CARD10: variants seen among roughly 807,000 people sequenced by gnomAD.
CARD10 encodes caspase recruitment domain-containing protein 10.
In CARD10, 49 loss-of-function variants were observed where a neutral mutation model predicts 114.6. The ratio of observed to expected loss-of-function variants is 0.43; its 90% CI spans 0.34 to 0.54. The LOEUF (loss-of-function observed/expected upper bound fraction) is 0.54. Among genes scored for constraint, CARD10 ranks in the 20% least tolerant of loss-of-function variants. CARD10 has a pLI of 0.03. For synonymous variants in CARD10, 602 were observed against 593.2 expected (o/e 1.01, Z -0.21); for missense variants, 1,206 against 1,397.2 (o/e 0.86, Z 2.18).
At chr22:37,499,616 C>T (rs1451790061) in intron 11 of CARD10, among the ~76,000 whole-genome samples, 1 of 151,958 alleles carries the variant, frequency 6.6e-6, no homozygotes, top group Non-Finnish European at 1.5e-5. Flanking sequence ...CTTGACAACT[C>T]CTGCAGCTCC....
chr22:37,511,938 T>C (rs1195474086), intron 3 of CARD10: 1 of 152,242 alleles, frequency 6.6e-6, no homozygotes, highest in Non-Finnish European at 1.5e-5. Flanking sequence ...GGGCCTCAGT[T>C]TCCTCATCAG....
chr22:37,513,044 G>A (rs1013864461), intron 3 of CARD10, among the ~76,000 whole-genome samples: 1 of 152,166 alleles, frequency 6.6e-6, no homozygotes, highest in Non-Finnish European at 1.5e-5. Flanking sequence ...TTTTGGAGCA[G>A]AAAAGCTCCA....
Position 37,506,370 on chromosome 22 carries a change from C to G in CARD10, c.1205G>C (p.Arg402Pro). The part of the protein sequence containing the change: ...EKERDQAIQS[R>P]DRIQLQYSQS... ...TGAGTACTGCAACTGGATCCGGTCA[C>G]GGCTCTGGATGGCCTAGGGTTGGGG... The change falls in exon 7 of 20, where the codon CGT becomes CCT. Residue 402 changes from arginine (R) to proline (P), a missense_variant. By Grantham distance (103) the Arg-to-Pro change is moderately radical (BLOSUM62 -2). Around this residue, in one of 2 missense-constraint regions of CARD10, gnomAD observed 1,068 missense variants for 1,179.1 expected, o/e 0.91. Transcript: ENST00000251973. The G allele has an allele frequency of 6.3e-7, 1 of 1,589,646 alleles. No individual in the cohort carries two copies. The highest frequency in any genetic ancestry group is 8.6e-7 in the Non-Finnish European group (1 of 1,165,078).
rs778206356 is a variant in CARD10 at position 37,497,004 on chromosome 22, G to C, written c.1947+15C>G. 3.1e-6 allele frequency: 5 copies of C among 1,595,362 alleles called. No individual in the cohort carries two copies. The African/African-American group carries it at 4.0e-5, about 13-fold the overall frequency. ...CACTGACCCTACCCCCCCAGCTCAG[G>C]AGGCAGGGCCTCACCTCTCTTGGTT... On this transcript the variant is annotated intron_variant, in intron 12 of 19. Coordinates refer to ENST00000251973, the MANE Select transcript of CARD10 (RefSeq NM_014550.4).
intron 7 of CARD10, among the ~76,000 whole-genome samples, chr22:37,505,637 CAA>C (rs1053786440): frequency 4.3e-4 from 47 of 109,612 alleles, no homozygotes; most frequent in Admixed American, 4.8e-4. Context: ...GATTCTGTCT[CAA>C]AAAAAAAAAA....
intron 1 of CARD10, among the ~76,000 whole-genome samples, chr22:37,518,627 C>T (rs56215401): frequency 0.073 from 11,142 of 152,254 alleles, 700 homozygotes; most frequent in African/African-American, 0.17. Context: ...TCAAAGAGCG[C>T]AGGAAAGGTG....
At position 37,501,132 on chromosome 22, in the gene CARD10, CCTCTCTCTCTCTCTTT is replaced by C. The variant is rs1322636151; in HGVS notation, c.1787+1454_1787+1469del. On this transcript the variant is annotated intron_variant, in intron 11 of 19. Coordinates refer to ENST00000251973, the MANE Select transcript of CARD10 (RefSeq NM_014550.4). This position sits in a 1 kb window ranked among gnomAD's most constrained non-coding sequence, Gnocchi z 5.4. Reference sequence around the variant, plus strand: ...TCTCCCTCTCCTCTCCGCCTGTCTGCCTCTCTCTCTCTCTTTCTCTCTCTCTCTCTGTCCACCACCT... The same window carrying C: ...TCTCCCTCTCCTCTCCGCCTGTCTGCCTCTCTCTCTCTCTGTCCACCACCT... Among the ~76,000 whole-genome samples the C allele has an allele frequency of 4.6e-5, 7 of 151,636 alleles. No individual in the cohort carries two copies. The highest frequency in any genetic ancestry group is 4.2e-4 in the South Asian group (2 of 4,798).
chr22:37,515,358 T>C (rs552800089), intron 3 of CARD10, among the ~76,000 whole-genome samples: 3 of 151,778 alleles, frequency 2.0e-5, no homozygotes, highest in East Asian at 3.9e-4. Context: ...AGGTCAGGAG[T>C]TCGAGACCAG....
In CARD10 at chr22:37,492,621, C is replaced by T; in HGVS notation, c.2635+23G>A. ...GCTGCCCAGAGGGGCACCCAGCCTC[C>T]CCTCCCCGGCACATAGTCTCACCCG... On this transcript the variant is annotated intron_variant, in intron 17 of 19. Transcript: ENST00000251973. This position sits in a 1 kb window ranked among gnomAD's most constrained non-coding sequence, Gnocchi z 5.7. The T allele has an allele frequency of 1.9e-6, 3 of 1,610,872 alleles. No individual in the cohort carries two copies. The highest frequency in any genetic ancestry group is 2.5e-6 in the Non-Finnish European group (3 of 1,178,582).
intron 2 of CARD10, among the ~76,000 whole-genome samples, chr22:37,516,947 T>C (rs1376838504): frequency 6.6e-6 from 1 of 152,210 alleles, no homozygotes; most frequent in African/African-American, 2.4e-5. Flanking sequence ...ATTTTTTACA[T>C]ATCAGAATGG....
At chr22:37,497,406 T>C (rs1057120342) in intron 11 of CARD10, among the ~76,000 whole-genome samples, 1 of 152,204 alleles carries the variant, frequency 6.6e-6, no homozygotes, top group Non-Finnish European at 1.5e-5. Flanking sequence ...GGGCACACGG[T>C]GCAGTGGAGC....
chr22:37,505,946 T>TA (rs556021110), intron 7 of CARD10, among the ~76,000 whole-genome samples: 58 of 152,164 alleles, frequency 3.8e-4, no homozygotes, highest in African/African-American at 1.3e-3. Flanking sequence ...AAACTATTCT[T>TA]AGTGTCCCAG....
At chr22:37,513,198 C>T (rs972453795) in intron 3 of CARD10, among the ~76,000 whole-genome samples, 55 of 152,106 alleles carry the variant, frequency 3.6e-4, no homozygotes, top group African/African-American at 1.3e-3. Context: ...GCAACCTCCA[C>T]CTCCCGGGTT....
chr22:37,493,007 C>T (rs5756698), intron 16 of CARD10, among the ~76,000 whole-genome samples: 10,711 of 152,172 alleles, frequency 0.07, 580 homozygotes, highest in East Asian at 0.26. Flanking sequence ...CTGCCCCCTA[C>T]GGGTCATTCT....
At chr22:37,510,578 A>G (rs1342299956) in intron 3 of CARD10, 157 bp from the exon 4 acceptor site, 1 of 630,746 alleles carries the variant, frequency 1.6e-6, no homozygotes, top group Non-Finnish European at 2.7e-6. Flanking sequence ...AAAACAGGAC[A>G]GGCTGGACAG....
intron 9 of CARD10, among the ~76,000 whole-genome samples, chr22:37,503,745 T>TATC (rs1357028948): frequency 6.6e-6 from 1 of 152,186 alleles, no homozygotes; most frequent in East Asian, 1.9e-4. Context: ...GGAGGCAGGC[T>TATC]ATCTCCCGCC....
intron 3 of CARD10, among the ~76,000 whole-genome samples, chr22:37,511,642 C>CG (rs66686274): frequency 1.3e-3 from 191 of 146,358 alleles, no homozygotes; most frequent in African/African-American, 3.8e-3. Flanking sequence ...CTCATCTGTA[C>CG]GGGGGGGGTG....
chr22:37,491,880 T>A lies in CARD10; in HGVS notation c.2752-13A>T, dbSNP rs751554333. The A allele has an allele frequency of 6.3e-7, 1 of 1,583,012 alleles. No homozygotes were observed. Among genetic ancestry groups the A allele is most frequent in the Non-Finnish European group, 8.6e-7 (1 of 1,160,234 alleles). Reference sequence around the variant, plus strand: ...GCAGGCAGTGCTTCTGCTTGGAGGATCGAGGCTACAATGTACTCCTGGGCC... The same window carrying A: ...GCAGGCAGTGCTTCTGCTTGGAGGAACGAGGCTACAATGTACTCCTGGGCC... On this transcript the variant is annotated splice_polypyrimidine_tract_variant and intron_variant, in intron 18 of 19. Coordinates refer to ENST00000251973, the MANE Select transcript of CARD10 (RefSeq NM_014550.4).
chr22:37,508,960 T>C (rs1383800923), intron 4 of CARD10: 1 of 1,541,348 alleles, frequency 6.5e-7, no homozygotes, highest in Non-Finnish European at 8.8e-7. Context: ...CCCAGGATTA[T>C]TCCTAAACAA....
Sources: gnomAD v4.1 joint callset for allele counts (sites outside exome capture counted in the v4.1 genomes callset) on GRCh38, gnomAD v4.1.1 for gene constraint, gnomAD v4.1.1 regional missense constraint, Gnocchi (gnomAD v3.1) non-coding constraint, MANE v1.5 for transcripts, NCBI Gene and HGNC (gene_info 2026-07-23, HGNC 2026-07-21) for gene names.